CHN2: variants seen among roughly 807,000 people sequenced by gnomAD.
CHN2 encodes the protein chimerin 2.
A neutral mutation model predicts 56.3 loss-of-function variants in CHN2; 35 were observed. The ratio of observed to expected loss-of-function variants is 0.62; its 90% confidence interval spans 0.47 to 0.82. CHN2 has a LOEUF of 0.82. CHN2 is among the 40% of genes least tolerant of loss of function. The probability of loss-of-function intolerance (pLI) is 0.00; values close to 1 mark genes in which losing one functional copy is unlikely to be tolerated. For missense variants in CHN2, 491 were observed against 580.5 expected, an observed-to-expected ratio of 0.85 and a Z score of 1.58; for synonymous variants, 210 against 212.8, an observed-to-expected ratio of 0.99 and a Z score of 0.12.
At chr7:29,425,044 C>T (rs921738261) in intron 6 of CHN2, among the ~76,000 whole-genome samples, 2 of 152,224 alleles carry the variant, frequency 1.3e-5, no homozygotes, top group African/African-American at 4.8e-5. Context: ...GTGACTCACA[C>T]ACTGTTGATT....
intron 6 of CHN2, among the ~76,000 whole-genome samples, chr7:29,473,710 G>A (rs1317624974): frequency 6.6e-6 from 1 of 151,944 alleles, no homozygotes; most frequent in Non-Finnish European, 1.5e-5. Flanking sequence ...GGGTTCTGAT[G>A]CCTGCAGGTA....
chr7:29,449,384 T>G (rs558658615), intron 6 of CHN2, among the ~76,000 whole-genome samples: 49 of 152,308 alleles, frequency 3.2e-4, no homozygotes, highest in African/African-American at 9.9e-4. Context: ...GACTAATAAG[T>G]CAGAATCCGT....
intron 6 of CHN2, among the ~76,000 whole-genome samples, chr7:29,410,156 G>A (rs1803064813): frequency 2.6e-5 from 4 of 152,024 alleles, no homozygotes; most frequent in Admixed American, 2.6e-4. Flanking sequence ...TTTAATCATG[G>A]GACTTTTAAA....
chr7:29,266,386 A>G (rs1017123085), intron 1 of CHN2, among the ~76,000 whole-genome samples: 5 of 152,198 alleles, frequency 3.3e-5, no homozygotes, highest in African/African-American at 1.2e-4. Flanking sequence ...GGAAGAGTAT[A>G]TTTCCTAAAC....
At chr7:29,487,976 T>G (rs1410707093) in intron 7 of CHN2, among the ~76,000 whole-genome samples, 1 of 152,206 alleles carries the variant, frequency 6.6e-6, no homozygotes, top group Non-Finnish European at 1.5e-5. Context: ...TGATCAAAGT[T>G]AAGTAGCATG....
chr7:29,323,387 A>G (rs1262747165), intron 1 of CHN2, among the ~76,000 whole-genome samples: 1 of 152,110 alleles, frequency 6.6e-6, no homozygotes, highest in African/African-American at 2.4e-5. Context: ...ACTACACTCC[A>G]GGTAGTCTGA....
chr7:29,191,664 A>G (rs567343492), upstream of CHN2: 44 of 152,378 alleles, frequency 2.9e-4, 1 homozygote, highest in Middle Eastern at 3.4e-3. Context: ...TTAATATTTG[A>G]AGAAAAAAGG....
intron 6 of CHN2, among the ~76,000 whole-genome samples, chr7:29,403,872 A>G (rs895559231): frequency 1.3e-5 from 2 of 152,242 alleles, no homozygotes; most frequent in Non-Finnish European, 2.9e-5. Flanking sequence ...TGACCTTCAC[A>G]TCACTGTAAG....
Position 29,172,649 on chromosome 7 carries a change from C to CT in CHN2, c.274+25696dup, listed in dbSNP as rs551337528. On this transcript the variant is annotated intron_variant, in intron 2 of 6. Coordinates refer to the CHN2 transcript ENST00000439384. The stretch of plus-strand genomic sequence containing the variant: ...GTCCATCTTTGACATTAACAGATTC[C>CT]TTTTTTTAAATATTAATTTCATATT... 1.7e-4 allele frequency among the ~76,000 whole-genome samples: 26 copies of CT among 152,178 alleles called. No individual in the cohort carries two copies. The South Asian group carries it at 5.4e-3, about 32-fold the overall frequency.
At chr7:29,484,573 A>T (rs747458558) in intron 7 of CHN2, among the ~76,000 whole-genome samples, 1 of 152,162 alleles carries the variant, frequency 6.6e-6, no homozygotes, top group African/African-American at 2.4e-5. Flanking sequence ...ATGTCTCTGT[A>T]TATCTGTCAT....
At chr7:29,165,497 A>AAAGGC (rs1795796604) in intron 2 of CHN2, among the ~76,000 whole-genome samples, 1 of 152,160 alleles carries the variant, frequency 6.6e-6, no homozygotes, top group South Asian at 2.1e-4. Context: ...GTTGTCTGTT[A>AAAGGC]ATAGAGACTG....
chr7:29,378,252 C>T (rs187125029), intron 3 of CHN2, among the ~76,000 whole-genome samples: 6 of 152,148 alleles, frequency 3.9e-5, no homozygotes, highest in Admixed American at 2.0e-4. Context: ...ATCAGTATGC[C>T]GTAGCTTAAA....
Position 29,370,317 on chromosome 7 carries a change from G to A in CHN2, c.144+2330G>A, listed in dbSNP as rs117813499. 3.0e-3 allele frequency among the ~76,000 whole-genome samples: 460 copies of A among 152,300 alleles called. 1 individual carries two copies. Among genetic ancestry groups the A allele is most frequent in the Non-Finnish European group, 4.4e-3 (299 of 68,022 alleles). On this transcript the variant is annotated intron_variant, in intron 3 of 12. Coordinates refer to ENST00000222792, the MANE Select transcript of CHN2 (RefSeq NM_004067.4). ...TTGTTGTCTTGTAACACACTTGCAT[G>A]CTTGGGAGACATGCCTAATGAAGAC...
intron 1 of CHN2, among the ~76,000 whole-genome samples, chr7:29,347,445 C>G (rs1249050538): frequency 6.6e-6 from 1 of 152,034 alleles, no homozygotes; most frequent in Non-Finnish European, 1.5e-5. Flanking sequence ...GCTGGGGAGG[C>G]CTCAGGAAAC....
rs568222520 is a variant in CHN2 at position 29,195,653 on chromosome 7, A to T, written c.49+663A>T. On this transcript the variant is annotated intron_variant, in intron 1 of 12. Coordinates refer to ENST00000222792, the MANE Select transcript of CHN2 (RefSeq NM_004067.4). ...GAGTGTGTGTGTGTGTGTGTGTGAG[A>T]GAGAGAGAGAGAGAGACTCCTTAGA... Among the ~76,000 whole-genome samples, 936 of 134,890 alleles carry T rather than the reference A, an allele frequency of 6.9e-3. 9 individuals carry two copies. Among genetic ancestry groups the T allele is most frequent in the African/African-American group, 0.021 (713 of 33,542 alleles). 88.5% of individuals were successfully genotyped at this position (134,890 alleles called of 152,430 possible).
intron 1 of CHN2, among the ~76,000 whole-genome samples, chr7:29,318,772 A>G (rs1258426118): frequency 6.6e-6 from 1 of 152,224 alleles, no homozygotes. Context: ...CTGCACAGTA[A>G]CAAATAGCTA....
intron 11 of CHN2, among the ~76,000 whole-genome samples, chr7:29,508,299 C>T (rs1463141930): frequency 2.0e-5 from 3 of 151,682 alleles, no homozygotes; most frequent in East Asian, 1.9e-4. Context: ...AGGGGCTACA[C>T]TTTGCCCAGG....
chr7:29,158,517 C>A (rs1472213028), intron 2 of CHN2, among the ~76,000 whole-genome samples: 2 of 36,700 alleles, frequency 5.4e-5, no homozygotes, highest in African/African-American at 2.0e-4. Flanking sequence ...ATTGTGTAGC[C>A]TAGTCTTTAT....
chr7:29,441,982 T>C (rs1244779666), intron 6 of CHN2, among the ~76,000 whole-genome samples: 2 of 152,158 alleles, frequency 1.3e-5, no homozygotes, highest in Admixed American at 6.5e-5. Flanking sequence ...TGTATACAAA[T>C]GTTCATAACA....
Sources: gnomAD v4.1 joint callset for allele counts (sites outside exome capture counted in the v4.1 genomes callset) on GRCh38, gnomAD v4.1.1 for gene constraint, MANE v1.5 for transcripts, NCBI Gene and HGNC (gene_info 2026-07-23, HGNC 2026-07-21) for gene names.